Variants in FBXL7 observed in about 807,000 individuals in gnomAD.
FBXL7 encodes the protein F-box and leucine rich repeat protein 7, also known as F-box/LRR-repeat protein 7.
A neutral mutation model predicts 38.3 loss-of-function variants in FBXL7; 12 were observed. The observed-to-expected ratio is 0.31, with a 90% confidence interval of 0.20 to 0.51. The LOEUF is 0.51. FBXL7 is among the 20% of genes least tolerant of loss of function. The pLI is 0.98. For synonymous variants in FBXL7, 297 were observed against 300.9 expected, an observed-to-expected ratio of 0.99 and a Z score of 0.13; for missense variants, 567 against 676.4, an observed-to-expected ratio of 0.84 and a Z score of 1.79.
rs1390658106 is a variant in FBXL7, at chr5:15,745,719, A to C, written c.127+129647A>C. 3.3e-5 allele frequency among the ~76,000 whole-genome samples: 5 copies of C among 152,188 alleles called. No homozygotes were observed. In the East Asian group the frequency reaches 9.6e-4, roughly 29 times the overall value. The stretch of plus-strand genomic sequence containing the variant: ...TTACAAAACAAGAGGAGGACCCTAC[A>C]TTTGGAGCAGCATGAGCCAGTAAGG... On this transcript the variant is annotated intron_variant, in intron 2 of 3. Coordinates refer to ENST00000504595, the MANE Select transcript of FBXL7 (RefSeq NM_012304.5).
At chr5:15,821,076 TCC>T (rs1738157226) in intron 2 of FBXL7, among the ~76,000 whole-genome samples, 1 of 152,118 alleles carries the variant, frequency 6.6e-6, no homozygotes, top group Admixed American at 6.6e-5. Flanking sequence ...TGCTCCCCCA[TCC>T]CACTGAATAG....
intron 1 of FBXL7, among the ~76,000 whole-genome samples, chr5:15,560,315 T>C (rs1423310472): frequency 6.6e-6 from 1 of 152,198 alleles, no homozygotes; most frequent in Non-Finnish European, 1.5e-5. Context: ...GCTATAATAG[T>C]TAGTTAAAAT....
intron 1 of FBXL7, among the ~76,000 whole-genome samples, chr5:15,590,556 CTG>C (rs1213472854): frequency 6.6e-6 from 1 of 152,122 alleles, no homozygotes; most frequent in Non-Finnish European, 1.5e-5. Flanking sequence ...AGTAAATAAT[CTG>C]TGGTTGTTGA....
intron 1 of FBXL7, among the ~76,000 whole-genome samples, chr5:15,505,739 AC>A (rs1736626154): frequency 6.6e-6 from 1 of 152,186 alleles, no homozygotes; most frequent in Non-Finnish European, 1.5e-5. Context: ...TTAGACCAAG[AC>A]CTGAAGGACA....
At chr5:15,890,514 T>C (rs1214839972) in intron 2 of FBXL7, among the ~76,000 whole-genome samples, 1 of 152,138 alleles carries the variant, frequency 6.6e-6, no homozygotes, top group African/African-American at 2.4e-5. Flanking sequence ...GTACTGGGAT[T>C]ACAGGTGTGA....
chr5:15,904,315 C>T (rs1193790676), intron 2 of FBXL7, among the ~76,000 whole-genome samples: 2 of 152,144 alleles, frequency 1.3e-5, no homozygotes, highest in African/African-American at 2.4e-5. Flanking sequence ...CAATACAAAA[C>T]TCATAACCGT....
At chr5:15,897,348 T>C (rs1741128332) in intron 2 of FBXL7, among the ~76,000 whole-genome samples, 2 of 152,220 alleles carry the variant, frequency 1.3e-5, no homozygotes, top group South Asian at 4.1e-4. Flanking sequence ...TTATTGTATT[T>C]TCCTCTTAAG....
At position 15,646,600 on chromosome 5, in the gene FBXL7, G is replaced by A. The variant is rs1440432190; in HGVS notation, c.127+30528G>A. ...CTTATTCCCCAAATTGTTTACAGCT[G>A]TTTTGGAGCTTTGGAATTGCTGGAA... On this transcript the variant is annotated intron_variant, in intron 2 of 3. Transcript: ENST00000504595. Among the ~76,000 whole-genome samples, 4 of 152,202 alleles carry A rather than the reference G, an allele frequency of 2.6e-5. No homozygotes were observed. The South Asian group carries it at 8.3e-4, about 32-fold the overall frequency.
At chr5:15,840,007 A>G (rs1480823383) in intron 2 of FBXL7, among the ~76,000 whole-genome samples, 1 of 152,244 alleles carries the variant, frequency 6.6e-6, no homozygotes, top group Non-Finnish European at 1.5e-5. Context: ...TGTCCAGAGT[A>G]AAATATAAAA....
chr5:15,897,276 A>G (rs1029907725), intron 2 of FBXL7, among the ~76,000 whole-genome samples: 7 of 152,240 alleles, frequency 4.6e-5, no homozygotes. Context: ...AGATAGAAAG[A>G]AAGATTTTAA....
At chr5:15,539,423 T>C (rs1421015104) in intron 1 of FBXL7, among the ~76,000 whole-genome samples, 1 of 151,602 alleles carries the variant, frequency 6.6e-6, no homozygotes, top group African/African-American at 2.4e-5. Context: ...TAACTCTTAA[T>C]GGTCTACACT....
chr5:15,710,668 C>A (rs1743836325), intron 2 of FBXL7, among the ~76,000 whole-genome samples: 1 of 152,090 alleles, frequency 6.6e-6, no homozygotes. Context: ...GTACCTGGCC[C>A]ATAGTGGGTG....
chr5:15,924,954 T>G (rs2126452695), intron 2 of FBXL7, among the ~76,000 whole-genome samples: 1 of 152,296 alleles, frequency 6.6e-6, no homozygotes, highest in East Asian at 1.9e-4. Context: ...TTCTCCTCAC[T>G]GTGAAGGTAG....
chr5:15,676,242 A>C (rs2126604238), intron 2 of FBXL7, among the ~76,000 whole-genome samples: 1 of 152,198 alleles, frequency 6.6e-6, no homozygotes, highest in African/African-American at 2.4e-5. Context: ...TTCTATCTAA[A>C]CCATCTTTGT....
At chr5:15,915,939 T>C (rs1452789387) in intron 2 of FBXL7, among the ~76,000 whole-genome samples, 2 of 152,062 alleles carry the variant, frequency 1.3e-5, no homozygotes, top group African/African-American at 4.8e-5. Flanking sequence ...GGGGACTGAT[T>C]AGATATAGGT....
chr5:15,668,816 A>G (rs965370734), intron 2 of FBXL7, among the ~76,000 whole-genome samples: 46 of 152,230 alleles, frequency 3.0e-4, no homozygotes, highest in African/African-American at 1.1e-3. Flanking sequence ...GTCAGGAGGT[A>G]TCCTTCATCT....
intron 2 of FBXL7, among the ~76,000 whole-genome samples, chr5:15,896,477 G>C (rs1046261002): frequency 6.6e-6 from 1 of 152,206 alleles, no homozygotes; most frequent in Non-Finnish European, 1.5e-5. Flanking sequence ...ATCTCACCGG[G>C]TGTGAAGATA....
rs1739288463 is a variant in FBXL7 at position 15,585,977 on chromosome 5, A to G, written c.38-30006A>G. On this transcript the variant is annotated intron_variant, in intron 1 of 3. Transcript: ENST00000504595. ...GTAAAAATGATTAACTTAGGAATCA[A>G]GAAAATATGTGAAACTACAAGGCCT... is the stretch of plus-strand genomic sequence containing the variant. Among the ~76,000 whole-genome samples the G allele has an allele frequency of 3.3e-5, 5 of 152,230 alleles. No individual in the cohort carries two copies. In the South Asian group the frequency reaches 1.0e-3, roughly 31 times the overall value.
chr5:15,812,153 A>G (rs1737882013), intron 2 of FBXL7, among the ~76,000 whole-genome samples: 2 of 152,236 alleles, frequency 1.3e-5, no homozygotes, highest in Non-Finnish European at 2.9e-5. Flanking sequence ...AATACTATGC[A>G]GCCATAAAAA....
Sources: gnomAD v4.1 joint callset for allele counts (sites outside exome capture counted in the v4.1 genomes callset) on GRCh38, gnomAD v4.1.1 for gene constraint, MANE v1.5 for transcripts, NCBI Gene and HGNC (gene_info 2026-07-23, HGNC 2026-07-21) for gene names.